The following ZNF845 variants were observed in gnomAD, a reference collection of about 807,000 sequenced individuals.
ZNF845 encodes zinc finger protein 845.
In ZNF845, 59 loss-of-function variants were observed where a neutral mutation model predicts 76.1. The observed-to-expected ratio is 0.78, with a 90% CI of 0.63 to 0.96. ZNF845 has a LOEUF of 0.96. ZNF845 is among the 40% of genes least tolerant of loss of function. The pLI is 0.00. For synonymous variants in ZNF845, 361 were observed against 386.9 expected (o/e 0.93, Z 0.78); for missense variants, 1,045 against 1,172.8 (o/e 0.89, Z 1.59).
intron 3 of ZNF845, chr19:53,346,399 C>G (rs562892170): frequency 2.3e-6 from 1 of 426,330 alleles, no homozygotes; most frequent in East Asian, 8.9e-5. Flanking sequence ...TCAAAAAATT[C>G]TCGTGCCCCA....
chr19:53,337,450 C>T (rs1768613258), intron 1 of ZNF845, among the ~76,000 whole-genome samples: 1 of 151,084 alleles, frequency 6.6e-6, no homozygotes, highest in Admixed American at 6.6e-5. Flanking sequence ...TGGTGACCTT[C>T]TCTCCCTGCA....
chr19:53,354,170 C>G lies in ZNF845; in HGVS notation c.*582C>G. 2 of 705,354 alleles carry G rather than the reference C, an allele frequency of 2.8e-6. No homozygotes were observed. The highest frequency in any genetic ancestry group is 4.7e-6 in the Non-Finnish European group (2 of 422,908). The allele number at this position is 705,354 out of a possible 1,614,324, so 43.7% of individuals were successfully genotyped here. A position where few individuals can be genotyped will look rare whatever the true frequency, so the allele number is the denominator to read the frequency against. On this transcript the variant is annotated 3_prime_UTR_variant, in exon 4 of 4. Coordinates refer to ENST00000458035, the MANE Select transcript of ZNF845 (RefSeq NM_138374.3). ...GAATCCATACTGGACAGAAATCTTA[C>G]AAATGTCATCAGTGTGGCAAGGTCT... is the stretch of plus-strand genomic sequence containing the variant.
Position 53,354,026 on chromosome 19 carries a change from G to A in ZNF845, c.*438G>A, listed in dbSNP as rs1599993405. 1 of 472,700 alleles carries A rather than the reference G, an allele frequency of 2.1e-6. No homozygotes were observed. The highest frequency in any genetic ancestry group is 3.1e-5 in the Admixed American group (1 of 32,704). The allele number at this position is 472,700 out of a possible 1,614,324, so 29.3% of individuals were successfully genotyped here. On this transcript the variant is annotated 3_prime_UTR_variant, in exon 4 of 4. Coordinates refer to ENST00000458035, the MANE Select transcript of ZNF845 (RefSeq NM_138374.3). Reference sequence around the variant, plus strand: ...TTACAAATGTCATGATTGTGGCAAGGTCTTCAGTCTAGCTTCATCTTATGC... The same window carrying A: ...TTACAAATGTCATGATTGTGGCAAGATCTTCAGTCTAGCTTCATCTTATGC...
In ZNF845 at chr19:53,345,725, C is replaced by T. The variant is rs1450938720; in HGVS notation, c.142+93C>T. The T allele has an allele frequency of 1.9e-6, 3 of 1,579,316 alleles. No homozygotes were observed. The African/African-American group carries it at 4.1e-5, about 22-fold the overall frequency. Reference sequence around the variant, plus strand: ...AGATACAATGTCTTGCTCTGTCACCCAGGGTGGAGTGAAATGGTGTGATCA... The same window carrying T: ...AGATACAATGTCTTGCTCTGTCACCTAGGGTGGAGTGAAATGGTGTGATCA... On this transcript the variant is annotated intron_variant, in intron 3 of 3. Transcript: ENST00000458035.
chr19:53,351,548 A>C lies in ZNF845; in HGVS notation c.873A>C (p.Arg291Ser). The part of the protein sequence containing the change: ...SQELTLTCHH[R>S]LHTGEKHYKC... The stretch of plus-strand genomic sequence containing the variant: ...AGTTAACCCTTACATGCCATCATAG[A>C]CTTCATACTGGAGAGAAACATTACA... Residue 291 changes from arginine to serine, a missense_variant, in exon 4 of 4, where the codon AGA becomes AGC. Coordinates refer to ENST00000458035, the MANE Select transcript of ZNF845 (RefSeq NM_138374.3). 2 of 1,614,170 alleles carry C rather than the reference A, an allele frequency of 1.2e-6. No homozygotes were observed. Among genetic ancestry groups the C allele is most frequent in the Non-Finnish European group, 1.7e-6 (2 of 1,180,000 alleles).
intron 2 of ZNF845, among the ~76,000 whole-genome samples, chr19:53,344,443 CAGG>C (rs1455958925): frequency 6.6e-6 from 1 of 151,942 alleles, no homozygotes; most frequent in Non-Finnish European, 1.5e-5. Flanking sequence ...GAGACTGAGG[CAGG>C]AGAATCACTT....
At chr19:53,345,839 C>T (rs2085292329) in intron 3 of ZNF845, among the ~76,000 whole-genome samples, 1 of 151,674 alleles carries the variant, frequency 6.6e-6, no homozygotes, top group Non-Finnish European at 1.5e-5. Context: ...TGCCACTATG[C>T]CGGGCTACTT....
intron 3 of ZNF845, among the ~76,000 whole-genome samples, chr19:53,347,242 G>A (rs2085302629): frequency 1.3e-5 from 2 of 150,124 alleles, no homozygotes; most frequent in South Asian, 4.2e-4. Flanking sequence ...GTGGGTTGGA[G>A]TTACTCTTTA....
rs2085362935 is a variant in ZNF845, at chr19:53,353,633, TGAAA to T, written c.*48_*51del. 6.5e-7 allele frequency: 1 copy of T among 1,529,926 alleles called. No individual in the cohort carries two copies. The highest frequency in any genetic ancestry group is 1.4e-5 in the African/African-American group (1 of 71,904). The allele number at this position is 1,529,926 out of a possible 1,614,324, so 94.8% of individuals were successfully genotyped here. A position where few individuals can be genotyped will look rare whatever the true frequency, so the allele number is the denominator to read the frequency against. On this transcript the variant is annotated 3_prime_UTR_variant, in exon 4 of 4. Coordinates refer to ENST00000458035, the MANE Select transcript of ZNF845 (RefSeq NM_138374.3). Reference sequence around the variant, plus strand: ...AAGTTTACAGTTGTAAATCAAGTCTTGAAAGACAGGAGAATTCATACTGGAGAGA... The same window carrying T: ...AAGTTTACAGTTGTAAATCAAGTCTTGACAGGAGAATTCATACTGGAGAGA...
rs755696149 is a variant in ZNF845, at chr19:53,346,385, G to A, written c.142+753G>A. The stretch of plus-strand genomic sequence containing the variant: ...GCTCACCGCAGCCGGCTTCGCTCTC[G>A]TGCTCAAAAAATTCTCGTGCCCCAG... On this transcript the variant is annotated intron_variant, in intron 3 of 3. Transcript: ENST00000458035. 53 of 426,316 alleles carry A rather than the reference G, an allele frequency of 1.2e-4. 1 individual carries two copies. Among genetic ancestry groups the A allele is most frequent in the South Asian group, 7.2e-4 (44 of 60,874 alleles). The allele number at this position is 426,316 out of a possible 1,614,324, so 26.4% of individuals were successfully genotyped here.
chr19:53,355,255 AT>A lies in ZNF845; in HGVS notation c.*1678del, dbSNP rs561134089. On this transcript the variant is annotated 3_prime_UTR_variant, in exon 4 of 4. Coordinates refer to ENST00000458035, the MANE Select transcript of ZNF845 (RefSeq NM_138374.3). The stretch of plus-strand genomic sequence containing the variant: ...ATGTCGTATCATCTACAAGGAAATA[AT>A]TTTTTTTTTTGAGACAATGTCTCTC... 89 of 146,890 alleles carry A rather than the reference AT, an allele frequency of 6.1e-4. No individual in the cohort carries two copies. Among genetic ancestry groups the A allele is most frequent in the Middle Eastern group, 3.5e-3 (1 of 282 alleles). The allele number at this position is 146,890 out of a possible 1,614,324, so 9.1% of individuals were successfully genotyped here. A position where few individuals can be genotyped will look rare whatever the true frequency, so the allele number is the denominator to read the frequency against.
chr19:53,346,511 T>C (rs1189559122), intron 3 of ZNF845: 1 of 251,210 alleles, frequency 4.0e-6, no homozygotes, highest in African/African-American at 2.3e-5. Flanking sequence ...CGAAATTCTG[T>C]CTCTACTAAA....
chr19:53,341,698 G>A (rs574342936), intron 2 of ZNF845, among the ~76,000 whole-genome samples: 99 of 152,310 alleles, frequency 6.5e-4, no homozygotes, highest in African/African-American at 2.2e-3. Flanking sequence ...ATGTATTCAT[G>A]TGCACAAAGT....
chr19:53,336,472 T>C (rs1030629147), intron 1 of ZNF845, among the ~76,000 whole-genome samples: 1 of 152,098 alleles, frequency 6.6e-6, no homozygotes, highest in Non-Finnish European at 1.5e-5. Context: ...ATGGTACCAC[T>C]GCACTGCAGC....
chr19:53,339,444 C>T (rs1019006842), intron 1 of ZNF845, among the ~76,000 whole-genome samples: 3 of 152,298 alleles, frequency 2.0e-5, no homozygotes, highest in East Asian at 1.9e-4. Flanking sequence ...GAGTGGTTTC[C>T]CTGCCTGTCC....
intron 2 of ZNF845, among the ~76,000 whole-genome samples, chr19:53,341,914 A>G (rs930158461): frequency 2.6e-5 from 4 of 152,182 alleles, no homozygotes; most frequent in African/African-American, 9.6e-5. Flanking sequence ...AACCTGAATC[A>G]TAGCAGGAGA....
Position 53,351,078 on chromosome 19 carries a change from C to G in ZNF845, c.403C>G (p.Pro135Ala). 6.2e-7 allele frequency: 1 copy of G among 1,614,174 alleles called. No homozygotes were observed. Among genetic ancestry groups the G allele is most frequent in the Non-Finnish European group, 8.5e-7 (1 of 1,180,030 alleles). Residue 135 changes from proline to alanine, a missense_variant, in exon 4 of 4, where the codon CCT becomes GCT. By Grantham distance (27) the Pro-to-Ala change is conservative. Coordinates refer to ENST00000458035, the MANE Select transcript of ZNF845 (RefSeq NM_138374.3). ...RHDQRHAGNKPIKDQLGSSFH... is the reference protein window; with the variant it reads ...RHDQRHAGNKAIKDQLGSSFH... Reference sequence around the variant, plus strand: ...TGATCAAAGGCATGCTGGAAACAAGCCTATTAAAGATCAGCTTGGATCAAG... The same window carrying G: ...TGATCAAAGGCATGCTGGAAACAAGGCTATTAAAGATCAGCTTGGATCAAG...
At chr19:53,334,424 A>G (rs1065234) in intron 1 of ZNF845, among the ~76,000 whole-genome samples, 1 of 152,166 alleles carries the variant, frequency 6.6e-6, no homozygotes, top group Non-Finnish European at 1.5e-5. Flanking sequence ...AATGAGAAAG[A>G]CCATAACAGA....
At position 53,353,976 on chromosome 19, in the gene ZNF845, G is replaced by T; in HGVS notation, c.*388G>T. ...CATTGTTCATACCTTGCAGTTCATC[G>T]GTGAACTCATGCTGGAGAGAAACCT... On this transcript the variant is annotated 3_prime_UTR_variant, in exon 4 of 4. Transcript: ENST00000458035. 8.5e-6 allele frequency: 4 copies of T among 469,884 alleles called. No homozygotes were observed. The highest frequency in any genetic ancestry group is 7.6e-6 in the Non-Finnish European group (2 of 264,046). 29.1% of individuals were successfully genotyped at this position (469,884 alleles called of 1,614,324 possible).
Sources: gnomAD v4.1 joint callset for allele counts (sites outside exome capture counted in the v4.1 genomes callset) on GRCh38, gnomAD v4.1.1 for gene constraint, MANE v1.5 for transcripts, NCBI Gene and HGNC (gene_info 2026-07-23, HGNC 2026-07-21) for gene names.